Variants in MED19 observed in about 807,000 individuals in gnomAD.
MED19 encodes the protein mediator complex subunit 19, also known as mediator of RNA polymerase II transcription subunit 19.
Under a neutral mutation model 19.9 loss-of-function variants are expected in MED19, and 4 were observed. The observed-to-expected ratio is 0.20, with a 90% CI of 0.10 to 0.46. The LOEUF (loss-of-function observed/expected upper bound fraction) is 0.46, where lower values mean the gene tolerates loss of function less well. Ranked by LOEUF, MED19 falls within the 20% of genes least tolerant of loss-of-function variation. The pLI, the probability that MED19 is intolerant of heterozygous loss-of-function variation, is 0.99. For synonymous variants in MED19, 139 were observed against 119.6 expected (o/e 1.16, Z -1.06); for missense variants, 303 against 318.7 (o/e 0.95, Z 0.38).
intron 1 of MED19, among the ~76,000 whole-genome samples, chr11:57,707,024 C>G (rs1946516290): frequency 6.6e-6 from 1 of 151,988 alleles, no homozygotes; most frequent in Non-Finnish European, 1.5e-5. Flanking sequence ...ATGGTGAAAC[C>G]CCATCTCTAC....
chr11:57,706,589 G>A (rs954357731), intron 1 of MED19, among the ~76,000 whole-genome samples: 2 of 151,952 alleles, frequency 1.3e-5, no homozygotes, highest in African/African-American at 4.8e-5. Flanking sequence ...TGGCCAACAT[G>A]GTGAAACCCT....
intron 1 of MED19, among the ~76,000 whole-genome samples, chr11:57,710,095 C>G (rs933731481): frequency 6.6e-6 from 1 of 152,226 alleles, no homozygotes; most frequent in Non-Finnish European, 1.5e-5. Flanking sequence ...GGCACAGTGG[C>G]TCAGACCTAT....
chr11:57,709,075 T>G (rs2135418044), intron 1 of MED19, among the ~76,000 whole-genome samples: 1 of 152,324 alleles, frequency 6.6e-6, no homozygotes, highest in Admixed American at 6.5e-5. Flanking sequence ...GAAATAAGAC[T>G]TGAGACAATG....
chr11:57,704,686 T>TG (rs1946486725), intron 3 of MED19, 33 bp downstream of exon 3: 1 of 1,571,984 alleles, frequency 6.4e-7, no homozygotes, highest in Non-Finnish European at 8.6e-7. Context: ...TTTTTTTTTT[T>TG]TTTTTTTTGC....
At chr11:57,711,977 A>T in exon 1 of MED19, 3 of 1,474,032 alleles carry the variant, frequency 2.0e-6, no homozygotes, top group Non-Finnish European at 2.7e-6. Context: ...CAGTTCCCTC[A>T]TGAGGTAAAA....
rs778360621 is a variant in MED19, at chr11:57,704,684, T to G, written c.571+35A>C. ...AGAAGGTCAGGTTTTTTTTTTTTTT[T>G]TTTTTTTTTTGCTTTGAATAGAACT... On this transcript the variant is annotated intron_variant, in intron 3 of 4. Coordinates refer to ENST00000431606, the Ensembl canonical transcript of MED19. 6.1e-5 allele frequency: 95 copies of G among 1,569,804 alleles called. No homozygotes were observed. The Middle Eastern group carries it at 7.9e-4, about 13-fold the overall frequency.
chr11:57,710,091 G>A (rs1000662931), intron 1 of MED19, among the ~76,000 whole-genome samples: 3 of 152,230 alleles, frequency 2.0e-5, no homozygotes, highest in Admixed American at 1.3e-4. Context: ...GCTGGGCACA[G>A]TGGCTCAGAC....
At chr11:57,705,886 G>A (rs185741877) in intron 1 of MED19, among the ~76,000 whole-genome samples, 16 of 152,176 alleles carry the variant, frequency 1.1e-4, no homozygotes, top group Non-Finnish European at 2.4e-4. Flanking sequence ...ATGTATTAGT[G>A]AAAAATTATA....
intron 3 of MED19, 43 bp downstream of exon 3, chr11:57,704,676 T>G (rs962737005): frequency 2.6e-6 from 4 of 1,522,648 alleles, no homozygotes; most frequent in Non-Finnish European, 3.5e-6. Context: ...CAGGTTTTTT[T>G]TTTTTTTTTT....
exon 5 of MED19, chr11:57,703,740 TA>T (rs56324148): frequency 5.2e-5 from 16 of 306,688 alleles, no homozygotes; most frequent in East Asian, 2.3e-4. Flanking sequence ...TTTTTTTTTT[TA>T]AAGAAAACAC....
chr11:57,706,588 T>C (rs1236128066), intron 1 of MED19, among the ~76,000 whole-genome samples: 1 of 151,766 alleles, frequency 6.6e-6, no homozygotes, highest in Non-Finnish European at 1.5e-5. Flanking sequence ...CTGGCCAACA[T>C]GGTGAAACCC....
chr11:57,712,148 T>G (rs1233387904), exon 1 of MED19: 1 of 1,533,192 alleles, frequency 6.5e-7, no homozygotes, highest in Non-Finnish European at 8.8e-7. Context: ...TGGGTCAGCC[T>G]GAGCCCCAAA....
At chr11:57,705,277 C>T (rs976990959) in intron 1 of MED19, 48 bp from the exon 2 acceptor site, 8 of 1,592,894 alleles carry the variant, frequency 5.0e-6, no homozygotes, top group Non-Finnish European at 6.9e-6. Context: ...TCAAAGTAGA[C>T]CCAGGGAGTG....
chr11:57,704,202 A>G, intron 4 of MED19, 96 bp from the exon 5 acceptor site: 1 of 1,526,444 alleles, frequency 6.6e-7, no homozygotes, highest in Non-Finnish European at 8.7e-7. Flanking sequence ...TTGGGTTTTC[A>G]ATCTTGGGTC....
chr11:57,710,030 T>G (rs550019817), intron 1 of MED19, among the ~76,000 whole-genome samples: 85 of 152,326 alleles, frequency 5.6e-4, no homozygotes, highest in African/African-American at 1.9e-3. Flanking sequence ...GCTTAAATGA[T>G]TATAAACAAG....
chr11:57,704,277 T>A (rs1946481462), intron 4 of MED19, 25 bp downstream of exon 4: 2 of 1,532,150 alleles, frequency 1.3e-6, no homozygotes, highest in Non-Finnish European at 1.7e-6. Context: ...ACTCACTGGG[T>A]TGTGGCAATA....
chr11:57,712,036 C>T, exon 1 of MED19: 1 of 1,536,850 alleles, frequency 6.5e-7, no homozygotes, highest in Non-Finnish European at 8.8e-7. Flanking sequence ...GAGCCGTGGC[C>T]GCGGTGGGAG....
exon 2 of MED19, chr11:57,705,068 G>A: frequency 6.2e-7 from 1 of 1,614,168 alleles, no homozygotes; most frequent in African/African-American, 1.3e-5. Flanking sequence ...AGAGAGCGGA[G>A]GCTGCTGTTA....
chr11:57,706,665 G>A (rs1436031171), intron 1 of MED19, among the ~76,000 whole-genome samples: 3 of 151,986 alleles, frequency 2.0e-5, no homozygotes, highest in East Asian at 1.9e-4. Context: ...CCTGCGAGGC[G>A]GAGGTTGCAG....
Sources: gnomAD v4.1 joint callset for allele counts (sites outside exome capture counted in the v4.1 genomes callset) on GRCh38, gnomAD v4.1.1 for gene constraint, MANE v1.5 for transcripts, NCBI Gene and HGNC (gene_info 2026-07-23, HGNC 2026-07-21) for gene names.